Variants in L3MBTL4 observed in about 807,000 individuals in gnomAD.
L3MBTL4 encodes L3MBTL histone methyl-lysine binding protein 4.
A neutral mutation model predicts 84.5 loss-of-function variants in L3MBTL4; 70 were observed. That is an observed-to-expected ratio of 0.83 (90% CI 0.68 to 1.01). The LOEUF (loss-of-function observed/expected upper bound fraction) is 1.01. L3MBTL4 is among the 50% of genes least tolerant of loss of function. The pLI, the probability that L3MBTL4 is intolerant of heterozygous loss-of-function variation, is 0.00. For missense variants in L3MBTL4, 715 were observed against 754.8 expected, an observed-to-expected ratio of 0.95 and a Z score of 0.62; for synonymous variants, 274 against 259.8, an observed-to-expected ratio of 1.05 and a Z score of -0.52.
chr18:5,963,085 G>A (rs1315028348), intron 17 of L3MBTL4, among the ~76,000 whole-genome samples: 1 of 152,214 alleles, frequency 6.6e-6, no homozygotes, highest in Non-Finnish European at 1.5e-5. Context: ...CAAGGGACCA[G>A]TAACTAGCTA....
intron 13 of L3MBTL4, among the ~76,000 whole-genome samples, chr18:6,142,701 G>A (rs75485898): frequency 0.019 from 2,835 of 152,152 alleles, 102 homozygotes; most frequent in African/African-American, 0.065. Context: ...TGGGAGGATC[G>A]CTTGAGGTCA....
chr18:6,275,277 C>T (rs973460466), intron 4 of L3MBTL4, among the ~76,000 whole-genome samples: 11 of 152,020 alleles, frequency 7.2e-5, no homozygotes, highest in East Asian at 3.9e-4. Flanking sequence ...GCCAGAGAAA[C>T]GGGAGGAATG....
At chr18:6,080,732 C>T (rs888544767) in intron 16 of L3MBTL4, 149 bp downstream of exon 16, 22 of 571,522 alleles carry the variant, frequency 3.8e-5, no homozygotes, top group African/African-American at 2.9e-4. Flanking sequence ...ATTCACAGGG[C>T]GGGAACTAGA....
chr18:6,111,194 TG>T (rs1190143528), intron 14 of L3MBTL4, among the ~76,000 whole-genome samples: 1 of 151,914 alleles, frequency 6.6e-6, no homozygotes, highest in Non-Finnish European at 1.5e-5. Flanking sequence ...GGAGTGAAAA[TG>T]AAAGGAAGAT....
At chr18:6,066,855 C>G (rs1432142998) in intron 16 of L3MBTL4, among the ~76,000 whole-genome samples, 1 of 149,826 alleles carries the variant, frequency 6.7e-6, no homozygotes, top group Non-Finnish European at 1.5e-5. Flanking sequence ...CGTTTACGTT[C>G]AGCATTATTA....
At chr18:6,118,701 CTA>C (rs2059433538) in intron 14 of L3MBTL4, among the ~76,000 whole-genome samples, 1 of 152,150 alleles carries the variant, frequency 6.6e-6, no homozygotes, top group African/African-American at 2.4e-5. Context: ...GTGTTTTTCT[CTA>C]AAGTACCTAG....
intron 6 of L3MBTL4, among the ~76,000 whole-genome samples, chr18:6,243,853 A>G (rs2047550496): frequency 6.6e-6 from 1 of 152,206 alleles, no homozygotes; most frequent in Admixed American, 6.5e-5. Context: ...TTTCAACTCT[A>G]ACATATGTAT....
At position 5,969,483 on chromosome 18, in the gene L3MBTL4, G is replaced by A. The variant is rs753234283; in HGVS notation, c.1524C>T (p.Asp508=). Residue 508 remains aspartate (D), a synonymous_variant, in exon 17 of 19, where the codon GAC becomes GAT. Transcript: ENST00000317931. ...MSTVSAHPFR[D]LPLGREQHCK... ...AGTGTTGCTCCCTGCCGAGGGGAAGGTCCCGAAAAGGGTGGGCTGACACCG... is the reference window on the plus strand; with the variant it reads ...AGTGTTGCTCCCTGCCGAGGGGAAGATCCCGAAAAGGGTGGGCTGACACCG... The A allele has an allele frequency of 6.2e-7, 1 of 1,614,054 alleles. No homozygotes were observed. Among genetic ancestry groups the A allele is most frequent in the South Asian group, 1.1e-5 (1 of 91,064 alleles).
At chr18:6,388,410 T>C (rs1244269980) in intron 1 of L3MBTL4, among the ~76,000 whole-genome samples, 1 of 152,150 alleles carries the variant, frequency 6.6e-6, no homozygotes, top group Non-Finnish European at 1.5e-5. Flanking sequence ...TACCTAACAA[T>C]ATAGAAATTT....
chr18:6,054,046 T>C (rs1328134259), intron 16 of L3MBTL4, among the ~76,000 whole-genome samples: 1 of 152,214 alleles, frequency 6.6e-6, no homozygotes, highest in Non-Finnish European at 1.5e-5. Context: ...CCTCTGCTTC[T>C]TTCCTACCTG....
At chr18:6,093,071 C>A (rs2058512415) in intron 15 of L3MBTL4, among the ~76,000 whole-genome samples, 1 of 152,094 alleles carries the variant, frequency 6.6e-6, no homozygotes, top group South Asian at 2.1e-4. Flanking sequence ...AAAAGGGAAT[C>A]TTTTGGAATG....
intron 5 of L3MBTL4, chr18:6,260,235 T>C (rs2048340036): frequency 6.6e-6 from 1 of 152,238 alleles, no homozygotes; most frequent in African/African-American, 2.4e-5. Context: ...TGCTTTGTTA[T>C]TTTTGCTTAG....
chr18:6,368,965 T>C (rs1340982413), intron 1 of L3MBTL4, among the ~76,000 whole-genome samples: 1 of 150,748 alleles, frequency 6.6e-6, no homozygotes, highest in Non-Finnish European at 1.5e-5. Context: ...TCAATTGAAC[T>C]CGGAAGGTGG....
chr18:6,073,469 A>G (rs1253834680), intron 16 of L3MBTL4, among the ~76,000 whole-genome samples: 1 of 152,202 alleles, frequency 6.6e-6, no homozygotes, highest in African/African-American at 2.4e-5. Flanking sequence ...CTGTGAATTC[A>G]TCTAAACAGT....
chr18:6,289,756 G>T (rs2049765258), intron 4 of L3MBTL4, among the ~76,000 whole-genome samples: 1 of 152,092 alleles, frequency 6.6e-6, no homozygotes, highest in African/African-American at 2.4e-5. Flanking sequence ...TGGCCTGACA[G>T]TGAAATGTTT....
chr18:6,007,297 C>A, intron 16 of L3MBTL4, among the ~76,000 whole-genome samples: 1 of 149,338 alleles, frequency 6.7e-6, no homozygotes, highest in South Asian at 2.1e-4. Flanking sequence ...AAAGATTGCC[C>A]AATCAAACAC....
chr18:6,068,313 T>C (rs1056062292), intron 16 of L3MBTL4, among the ~76,000 whole-genome samples: 1 of 152,172 alleles, frequency 6.6e-6, no homozygotes, highest in African/African-American at 2.4e-5. Flanking sequence ...GGGGTAGGTA[T>C]TGGTGGTAGC....
chr18:6,358,342 C>T (rs547852308), intron 1 of L3MBTL4, among the ~76,000 whole-genome samples: 5 of 152,154 alleles, frequency 3.3e-5, no homozygotes, highest in East Asian at 3.9e-4. Context: ...GACAAGGTCA[C>T]GCAGCTAGCT....
chr18:6,269,872 C>A (rs1335098212), intron 4 of L3MBTL4, among the ~76,000 whole-genome samples: 1 of 152,174 alleles, frequency 6.6e-6, no homozygotes, highest in Non-Finnish European at 1.5e-5. Flanking sequence ...CTGCACAGTA[C>A]TTATCAGTAA....
Sources: gnomAD v4.1 joint callset for allele counts (sites outside exome capture counted in the v4.1 genomes callset) on GRCh38, gnomAD v4.1.1 for gene constraint, MANE v1.5 for transcripts, NCBI Gene and HGNC (gene_info 2026-07-23, HGNC 2026-07-21) for gene names.